The following P2RX5 variants were observed in gnomAD, a reference collection of about 807,000 sequenced individuals.
The protein encoded by P2RX5 is purinergic receptor P2X 5.
Under a neutral mutation model 54.1 loss-of-function variants are expected in P2RX5, and 46 were observed. The ratio of observed to expected loss-of-function variants is 0.85; its 90% CI spans 0.67 to 1.09. The LOEUF is 1.09. P2RX5 is among the 50% of genes least tolerant of loss of function. The probability of loss-of-function intolerance (pLI) is 0.00; values close to 1 mark genes in which losing one functional copy is unlikely to be tolerated. For synonymous variants in P2RX5, 226 were observed against 226.4 expected (o/e 1.00, Z 0.02); for missense variants, 566 against 549.8 (o/e 1.03, Z -0.29).
chr17:3,704,988 A>G, the P2RX5 span, among the ~76,000 whole-genome samples: 1 of 152,160 alleles, frequency 6.6e-6, no homozygotes, highest in Non-Finnish European at 1.5e-5. Context: ...CCTGGACAAC[A>G]AGAGCAAAAC....
chr17:3,701,755 T>G, the P2RX5 span, among the ~76,000 whole-genome samples: 408 of 119,936 alleles, frequency 3.4e-3, 6 homozygotes, highest in African/African-American at 9.9e-3. Flanking sequence ...TGTTTTTTTT[T>G]TTTTTGTTTT....
chr17:3,679,961 C>G (rs1283974290), intron 10 of P2RX5, among the ~76,000 whole-genome samples, 177 bp from the exon 11 acceptor site: 1 of 149,202 alleles, frequency 6.7e-6, no homozygotes, highest in Non-Finnish European at 1.5e-5. Flanking sequence ...ATCCTCCACC[C>G]TGCTCTCTCC....
intron 9 of P2RX5, among the ~76,000 whole-genome samples, chr17:3,684,546 G>A (rs921837833): frequency 6.6e-6 from 1 of 152,196 alleles, no homozygotes; most frequent in Non-Finnish European, 1.5e-5. Context: ...AGACTGCAGT[G>A]AGCCATGATC....
At chr17:3,699,878 G>GAAAGA (rs1567744305), upstream of P2RX5, among the ~76,000 whole-genome samples, 1,028 of 32,468 alleles carry the variant, frequency 0.032, 49 homozygotes, top group Non-Finnish European at 0.051. Context: ...AGAAAGAAAG[G>GAAAGA]AAGGAAGGAA....
At chr17:3,723,611 A>C in the P2RX5 span, 3 of 1,420,260 alleles carry the variant, frequency 2.1e-6, no homozygotes, top group Non-Finnish European at 2.8e-6. Flanking sequence ...TAACCCAGGA[A>C]AAACAGTCTC....
chr17:3,681,116 A>G (rs940141385), intron 10 of P2RX5, among the ~76,000 whole-genome samples: 19 of 152,038 alleles, frequency 1.2e-4, no homozygotes, highest in African/African-American at 4.6e-4. Context: ...TCAGCAGCAC[A>G]GTCAGGACTG....
chr17:3,692,225 G>A lies in P2RX5; in HGVS notation c.138-431C>T, dbSNP rs944492658. On this transcript the variant is annotated intron_variant, in intron 1 of 11. Coordinates refer to ENST00000225328, the MANE Select transcript of P2RX5 (RefSeq NM_002561.4). ...CCAGCTACTCAGGAGGCTGAGGCAG[G>A]AGAATGGCGTGAACCCGGGAGGCAG... 5.3e-5 allele frequency among the ~76,000 whole-genome samples: 8 copies of A among 152,182 alleles called. 3 individuals carry two copies.
In P2RX5 at chr17:3,685,657, T is replaced by TCCCCCCCCCCCCCCCC; in HGVS notation, c.981+2354_981+2355insGGGGGGGGGGGGGGGG. On this transcript the variant is annotated intron_variant, in intron 9 of 11. Transcript: ENST00000225328. ...CCCAGGGACCCTCCCAGCGTCCCCC[T>TCCCCCCCCCCCCCCCC]CCCAGCCTGAGAACAGGAGAACGCA... The TCCCCCCCCCCCCCCCC allele has an allele frequency of 2.7e-5, 2 of 73,612 alleles. 1 individual carries two copies. Among genetic ancestry groups the TCCCCCCCCCCCCCCCC allele is most frequent in the Admixed American group, 2.9e-4 (2 of 6,860 alleles). 4.6% of individuals were successfully genotyped at this position (73,612 alleles called of 1,614,324 possible). A position where few individuals can be genotyped will look rare whatever the true frequency, so the allele number is the denominator to read the frequency against.
At chr17:3,689,745 A>G in intron 6 of P2RX5, 115 bp from the exon 7 acceptor site, 1 of 1,355,326 alleles carries the variant, frequency 7.4e-7, no homozygotes, top group Non-Finnish European at 1.1e-6. Context: ...CCGCAGCAAC[A>G]CCCCACTTTA....
Position 3,688,642 on chromosome 17 carries a change from A to T in P2RX5, c.871T>A (p.Ser291Thr), listed in dbSNP as rs757145266. Residue 291 changes from serine (S) to threonine (T), a missense_variant, in exon 8 of 12, where the codon TCC (serine) becomes ACC (threonine). Coordinates refer to ENST00000225328, the MANE Select transcript of P2RX5 (RefSeq NM_002561.4). ...LDNKLSKSVS[S>T]GYNFRFARYY... The stretch of plus-strand genomic sequence containing the variant: ...AGCGGTTACCTGAAGTTGTACCCGG[A>T]GGAGACAGACTTTGAAAGTTTATTG... The T allele has an allele frequency of 1.2e-6, 2 of 1,614,118 alleles. No individual in the cohort carries two copies. Among genetic ancestry groups the T allele is most frequent in the Admixed American group, 3.3e-5 (2 of 60,020 alleles).
intron 9 of P2RX5, among the ~76,000 whole-genome samples, chr17:3,684,116 CTG>C (rs2050364724): frequency 6.6e-6 from 1 of 152,260 alleles, no homozygotes; most frequent in African/African-American, 2.4e-5. Context: ...CCCTCAGTCC[CTG>C]TGTCTCCTCC....
upstream of P2RX5, among the ~76,000 whole-genome samples, chr17:3,698,399 C>A (rs549542725): frequency 3.3e-5 from 5 of 152,104 alleles, no homozygotes; most frequent in Non-Finnish European, 7.3e-5. Flanking sequence ...CTCTCCACTC[C>A]CCAAGGGAGT....
the P2RX5 span, among the ~76,000 whole-genome samples, chr17:3,723,048 G>A: frequency 6.6e-6 from 1 of 152,230 alleles, no homozygotes; most frequent in African/African-American, 2.4e-5. Flanking sequence ...TGCTGGAATA[G>A]ACGTGGGGAT....
rs968412057 is a variant in P2RX5 at position 3,691,589 on chromosome 17, C to T, written c.288+55G>A. On this transcript the variant is annotated intron_variant, in intron 2 of 11. Coordinates refer to ENST00000225328, the MANE Select transcript of P2RX5 (RefSeq NM_002561.4). ...TCCAAGAAGCTTCCCGTGTGACCCA[C>T]CCGAACCAGGCAGTCCCTGCCAGCC... is the stretch of plus-strand genomic sequence containing the variant. The T allele has an allele frequency of 5.6e-6, 9 of 1,611,190 alleles. No homozygotes were observed. In the East Asian group the frequency reaches 6.7e-5, roughly 12 times the overall value.
rs561555726 is a variant in P2RX5, at chr17:3,675,654, C to T, written c.1260-1777G>A. ...GCAACCTCTGCCTCCCAGGTTCAAGCGATTCTCCTGCCTCCGCCTCCCGAG... is the reference window on the plus strand; with the variant it reads ...GCAACCTCTGCCTCCCAGGTTCAAGTGATTCTCCTGCCTCCGCCTCCCGAG... On this transcript the variant is annotated intron_variant, in intron 11 of 11. Transcript: ENST00000225328. 72 of 780,138 alleles carry T rather than the reference C, an allele frequency of 9.2e-5. No homozygotes were observed. The South Asian group carries it at 3.1e-3, about 33-fold the overall frequency. 48.3% of individuals were successfully genotyped at this position (780,138 alleles called of 1,614,324 possible).
intron 9 of P2RX5, chr17:3,682,399 G>A: frequency 3.1e-6 from 1 of 324,038 alleles, no homozygotes; most frequent in Non-Finnish European, 6.1e-6. Flanking sequence ...CACTCAGCCT[G>A]GGGAGGGTCC....
chr17:3,691,942 C>T, intron 1 of P2RX5, 148 bp from the exon 2 acceptor site: 1 of 776,784 alleles, frequency 1.3e-6, no homozygotes, highest in East Asian at 2.5e-5. Context: ...AGCTCCTGGG[C>T]AGGGGCCACA....
chr17:3,679,826 G>C (rs1158530019), intron 10 of P2RX5, 42 bp from the exon 11 acceptor site: 2 of 1,568,596 alleles, frequency 1.3e-6, no homozygotes, highest in African/African-American at 1.3e-5. Flanking sequence ...GGCCCTGCAG[G>C]GTGCCTCCCC....
the P2RX5 span, among the ~76,000 whole-genome samples, chr17:3,722,720 AGATCAAGTACTGCCTTGCTCTGGCCAT>A: frequency 2.0e-5 from 3 of 152,198 alleles, no homozygotes; most frequent in Non-Finnish European, 4.4e-5. Context: ...AGCAGAGACC[AGATCAAGTACTGCCTTGCTCTGGCCAT>A]GAAAAAAGTA....
Sources: gnomAD v4.1 joint callset for allele counts (sites outside exome capture counted in the v4.1 genomes callset) on GRCh38, gnomAD v4.1.1 for gene constraint, MANE v1.5 for transcripts, NCBI Gene and HGNC (gene_info 2026-07-23, HGNC 2026-07-21) for gene names.